The following ZNF487 variants were observed in gnomAD, a reference collection of about 807,000 sequenced individuals.
ZNF487 encodes zinc finger protein 487, also known as KRAB domain only 1.
ZNF487 carries 4 observed loss-of-function variants against 3.0 expected under a neutral mutation model. That is an observed-to-expected ratio of 1.35 (90% confidence interval 0.66 to 3.08). ZNF487 has a LOEUF of 3.08. Ranked by LOEUF, ZNF487 falls within the 30% of genes most tolerant of loss-of-function variation. The pLI, the probability that ZNF487 is intolerant of heterozygous loss-of-function variation, is 0.01. For missense variants in ZNF487, 146 were observed against 98.7 expected (o/e 1.48, Z -2.03); for synonymous variants, 55 against 34.6 (o/e 1.59, Z -2.06).
chr10:43,464,988 T>C (rs1169227923), intron 1 of ZNF487, among the ~76,000 whole-genome samples: 82 of 144,802 alleles, frequency 5.7e-4, no homozygotes, highest in African/African-American at 1.8e-3. Flanking sequence ...GGCGGCTGGC[T>C]GGGCGGGGGC....
the ZNF487 span, among the ~76,000 whole-genome samples, chr10:43,494,022 C>G: frequency 6.7e-6 from 1 of 148,486 alleles, no homozygotes; most frequent in Non-Finnish European, 1.5e-5. Flanking sequence ...CAGAACAAGA[C>G]TCCATCTCTA....
intron 1 of ZNF487, among the ~76,000 whole-genome samples, chr10:43,474,560 C>A (rs181645289): frequency 5.4e-4 from 82 of 152,114 alleles, no homozygotes; most frequent in African/African-American, 2.0e-3. Context: ...AACAGCAAGA[C>A]CTGGCCTCTA....
chr10:43,513,520 G>A, the ZNF487 span, among the ~76,000 whole-genome samples: 73 of 152,352 alleles, frequency 4.8e-4, no homozygotes, highest in African/African-American at 9.9e-4. Flanking sequence ...CCACCCCAGC[G>A]TCTTTCAAGT....
intron 1 of ZNF487, among the ~76,000 whole-genome samples, chr10:43,466,356 T>C (rs1283551318): frequency 1.3e-5 from 2 of 152,016 alleles, no homozygotes; most frequent in Non-Finnish European, 2.9e-5. Context: ...CATATTTGTT[T>C]ATAGCATGGT....
the ZNF487 span, among the ~76,000 whole-genome samples, chr10:43,491,785 G>A: frequency 1.3e-5 from 2 of 151,660 alleles, no homozygotes; most frequent in African/African-American, 4.9e-5. Flanking sequence ...CTTCTTTCCA[G>A]GAGTTAGCTA....
chr10:43,521,517 T>G, the ZNF487 span, among the ~76,000 whole-genome samples: 1 of 152,178 alleles, frequency 6.6e-6, no homozygotes, highest in African/African-American at 2.4e-5. Flanking sequence ...TTGTTTATAG[T>G]ATGAGAACTG....
chr10:43,455,925 G>T (rs1369685914), intron 1 of ZNF487, among the ~76,000 whole-genome samples: 1 of 152,256 alleles, frequency 6.6e-6, no homozygotes, highest in Non-Finnish European at 1.5e-5. Flanking sequence ...CACAGTCCGG[G>T]AGCTGGACCT....
chr10:43,461,699 G>A (rs987832174), intron 1 of ZNF487, among the ~76,000 whole-genome samples: 1 of 152,146 alleles, frequency 6.6e-6, no homozygotes, highest in Non-Finnish European at 1.5e-5. Flanking sequence ...ATGAGTGCTT[G>A]TGTAAGATTG....
At position 43,482,715 on chromosome 10, in the gene ZNF487, C is replaced by T; in HGVS notation, c.*793C>T. On this transcript the variant is annotated 3_prime_UTR_variant, in exon 4 of 4. Transcript: ENST00000437590. ...CTCCCAGAAGCCAAACTTCATTAAT[C>T]ATCAGTGAACTCACACAGGAGAGAG... 1 of 464,858 alleles carries T rather than the reference C, an allele frequency of 2.2e-6. No individual in the cohort carries two copies. Among genetic ancestry groups the T allele is most frequent in the South Asian group, 1.6e-5 (1 of 60,960 alleles). The allele number at this position is 464,858 out of a possible 1,614,324, so 28.8% of individuals were successfully genotyped here. A position where few individuals can be genotyped will look rare whatever the true frequency, so the allele number is the denominator to read the frequency against.
intron 1 of ZNF487, among the ~76,000 whole-genome samples, chr10:43,456,124 G>C (rs1453830134): frequency 6.6e-6 from 1 of 152,226 alleles, no homozygotes; most frequent in Non-Finnish European, 1.5e-5. Context: ...CGTCTGAACC[G>C]TCCAGCCAGT....
chr10:43,442,589 G>A (rs1361898801), intron 1 of ZNF487, among the ~76,000 whole-genome samples: 1 of 151,920 alleles, frequency 6.6e-6, no homozygotes, highest in Admixed American at 6.6e-5. Context: ...GACTACAGGC[G>A]CCTGCCACTG....
intron 1 of ZNF487, among the ~76,000 whole-genome samples, chr10:43,466,249 G>C (rs1840701115): frequency 6.6e-6 from 1 of 151,918 alleles, no homozygotes; most frequent in Admixed American, 6.6e-5. Flanking sequence ...TCACCATGTT[G>C]GCCAGGCTGG....
chr10:43,482,671 A>G lies in ZNF487; in HGVS notation c.*749A>G. ...ACTGGCGAGAAACCCTATGAGTGTA[A>G]GGAATGTGGGAAAACTTTCTCCCAG... On this transcript the variant is annotated 3_prime_UTR_variant, in exon 4 of 4. Transcript: ENST00000437590. 1 of 482,706 alleles carries G rather than the reference A, an allele frequency of 2.1e-6. No individual in the cohort carries two copies. The highest frequency in any genetic ancestry group is 1.5e-5 in the South Asian group (1 of 65,160). 29.9% of individuals were successfully genotyped at this position (482,706 alleles called of 1,614,324 possible).
intron 3 of ZNF487, 71 bp downstream of exon 3, chr10:43,476,273 T>C: frequency 1.5e-6 from 1 of 660,090 alleles, no homozygotes; most frequent in East Asian, 2.7e-5. Flanking sequence ...ACTTCACATA[T>C]TGACATCTTT....
chr10:43,484,614 A>C (rs1259259483), downstream of ZNF487, among the ~76,000 whole-genome samples: 1 of 152,142 alleles, frequency 6.6e-6, no homozygotes, highest in Non-Finnish European at 1.5e-5. Context: ...CAAAAAAAAA[A>C]AGTTTCGTGA....
rs571466449 is a variant in ZNF487, at chr10:43,448,082, C to T, written c.-94+10820C>T. ...TCGGCTTACTGCAAGTTCCACCTCC[C>T]GGGTTCACGCTATTCTCCTGCCTCA... On this transcript the variant is annotated intron_variant, in intron 1 of 3. Transcript: ENST00000437590. 6.4e-4 allele frequency among the ~76,000 whole-genome samples: 97 copies of T among 151,304 alleles called. No individual in the cohort carries two copies. In the Middle Eastern group the frequency reaches 0.01, roughly 16 times the overall value.
downstream of ZNF487, among the ~76,000 whole-genome samples, chr10:43,483,564 G>T (rs576146308): frequency 6.8e-6 from 1 of 146,054 alleles, no homozygotes; most frequent in Admixed American, 6.8e-5. Flanking sequence ...ATCTCACTCT[G>T]TTGCCCAGGC....
chr10:43,474,994 C>T (rs1841041087), intron 1 of ZNF487, among the ~76,000 whole-genome samples: 1 of 152,086 alleles, frequency 6.6e-6, no homozygotes, highest in Non-Finnish European at 1.5e-5. Context: ...CCAGGCTCCT[C>T]CCCCCTGTAC....
At chr10:43,468,117 T>G (rs1840771876) in intron 1 of ZNF487, among the ~76,000 whole-genome samples, 1 of 152,144 alleles carries the variant, frequency 6.6e-6, no homozygotes, top group Non-Finnish European at 1.5e-5. Flanking sequence ...CCTGCAGATG[T>G]GAGTGAATTG....
Sources: gnomAD v4.1 joint callset for allele counts (sites outside exome capture counted in the v4.1 genomes callset) on GRCh38, gnomAD v4.1.1 for gene constraint, MANE v1.5 for transcripts, NCBI Gene and HGNC (gene_info 2026-07-23, HGNC 2026-07-21) for gene names.